The following MARCHF7 variants were observed in gnomAD, a reference collection of about 807,000 sequenced individuals.
MARCHF7 encodes membrane associated ring-CH-type finger 7.
In MARCHF7, 20 loss-of-function variants were observed where a neutral mutation model predicts 76.5. The observed-to-expected ratio is 0.26, with a 90% CI of 0.18 to 0.38. The LOEUF is 0.38. Among genes scored for constraint, MARCHF7 ranks in the 10% least tolerant of loss-of-function variants. The pLI is 1.00. For synonymous variants in MARCHF7, 295 were observed against 293.0 expected (o/e 1.01, Z -0.07); for missense variants, 797 against 812.9 (o/e 0.98, Z 0.24).
In MARCHF7 at chr2:159,757,788, T is replaced by G. The variant is rs539284443; in HGVS notation, c.1784-1438T>G. On this transcript the variant is annotated intron_variant, in intron 8 of 11. Transcript: ENST00000409175. ...TGTAGTAAATTATCTCCAAGGTCCA[T>G]ATTACATTTTCATGTATGCTAGACT... Among the ~76,000 whole-genome samples the G allele has an allele frequency of 2.6e-5, 4 of 152,358 alleles. No homozygotes were observed. The South Asian group carries it at 8.3e-4, about 32-fold the overall frequency.
At chr2:159,747,688 A>G in intron 6 of MARCHF7, 117 bp from the exon 7 acceptor site, 2 of 918,420 alleles carry the variant, frequency 2.2e-6, no homozygotes, top group East Asian at 2.6e-5. Context: ...CTCTGTAGTT[A>G]CAATATAACA....
chr2:159,723,045 T>C (rs1029802627), intron 3 of MARCHF7, among the ~76,000 whole-genome samples: 1 of 152,218 alleles, frequency 6.6e-6, no homozygotes, highest in Non-Finnish European at 1.5e-5. Context: ...GCATTTTGTT[T>C]CCCAAAAATC....
intron 10 of MARCHF7, 63 bp from the exon 11 acceptor site, chr2:159,764,563 A>AT: frequency 7.6e-7 from 1 of 1,321,846 alleles, no homozygotes; most frequent in Non-Finnish European, 1.1e-6. Flanking sequence ...TCCTATACTG[A>AT]TTCTCTCTTT....
intron 4 of MARCHF7, chr2:159,732,765 C>A: frequency 1.2e-6 from 1 of 830,226 alleles, no homozygotes; most frequent in Non-Finnish European, 1.5e-6. Flanking sequence ...CTCCTGGCCT[C>A]CAGCAGTACT....
At chr2:159,727,108 C>T (rs1702261106) in intron 3 of MARCHF7, among the ~76,000 whole-genome samples, 1 of 151,984 alleles carries the variant, frequency 6.6e-6, no homozygotes, top group Non-Finnish European at 1.5e-5. Flanking sequence ...ACTATGCATA[C>T]AATACAATAA....
intron 4 of MARCHF7, among the ~76,000 whole-genome samples, chr2:159,739,730 A>G (rs900684250): frequency 3.9e-5 from 6 of 152,246 alleles, no homozygotes; most frequent in Non-Finnish European, 1.5e-5. Context: ...GGAACCAGGA[A>G]AAGGTTTGAT....
rs529728566 is a variant in MARCHF7 at position 159,745,458 on chromosome 2, C to T, written c.347-312C>T. Among the ~76,000 whole-genome samples the T allele has an allele frequency of 1.8e-4, 27 of 152,226 alleles. No individual in the cohort carries two copies. The East Asian group carries it at 3.7e-3, about 21-fold the overall frequency. On this transcript the variant is annotated intron_variant, in intron 5 of 11. Transcript: ENST00000409175. ...TCACTAGAGGTCAGGAGTTTGAGAC[C>T]AGCCTGGCCGACAGGGTGAAACCCC...
At chr2:159,761,406 C>CTTTTCTTTTTTTTTT (rs1707065139) in intron 9 of MARCHF7, among the ~76,000 whole-genome samples, 1 of 73,780 alleles carries the variant, frequency 1.4e-5, no homozygotes, top group Non-Finnish European at 2.4e-5. Flanking sequence ...TGAATCATTT[C>CTTTTCTTTTTTTTTT]TTTTTTTTTT....
chr2:159,731,365 C>T (rs1032896010), intron 4 of MARCHF7, among the ~76,000 whole-genome samples: 18 of 152,022 alleles, frequency 1.2e-4, no homozygotes, highest in African/African-American at 4.3e-4. Flanking sequence ...TGCTAAAATC[C>T]TGAATATATT....
intron 1 of MARCHF7, among the ~76,000 whole-genome samples, chr2:159,712,967 C>T (rs1021245786): frequency 1.3e-5 from 2 of 152,102 alleles, no homozygotes; most frequent in Non-Finnish European, 2.9e-5. Context: ...GCGGGGCGGC[C>T]TCCTCTTGGG....
At chr2:159,712,986 C>G (rs996066352) in intron 1 of MARCHF7, among the ~76,000 whole-genome samples, 1 of 152,004 alleles carries the variant, frequency 6.6e-6, no homozygotes, top group Non-Finnish European at 1.5e-5. Context: ...GGCCGTGGGG[C>G]GGGGGGTCTT....
chr2:159,724,179 T>G (rs1248873941), intron 3 of MARCHF7, among the ~76,000 whole-genome samples: 1 of 152,222 alleles, frequency 6.6e-6, no homozygotes, highest in Non-Finnish European at 1.5e-5. Flanking sequence ...GGCTAAACAT[T>G]TTTCTCAGTA....
Position 159,768,939 on chromosome 2 carries a change from G to A in MARCHF7, c.*1597G>A, listed in dbSNP as rs929606143. On this transcript the variant is annotated 3_prime_UTR_variant, in exon 12 of 12. Coordinates refer to ENST00000409175, the MANE Select transcript of MARCHF7 (RefSeq NM_001282805.2). ...TATGCACATAATTCTGTATAGTTTTGTTATTAAATGCTAAATGACAGTGAT... is the reference window on the plus strand; with the variant it reads ...TATGCACATAATTCTGTATAGTTTTATTATTAAATGCTAAATGACAGTGAT... 1 of 152,084 alleles carries A rather than the reference G, an allele frequency of 6.6e-6. No homozygotes were observed. Among genetic ancestry groups the A allele is most frequent in the Non-Finnish European group, 1.5e-5 (1 of 68,000 alleles). 9.4% of individuals were successfully genotyped at this position (152,084 alleles called of 1,614,324 possible).
At chr2:159,751,987 T>G (rs570287827) in intron 7 of MARCHF7, among the ~76,000 whole-genome samples, 2 of 152,336 alleles carry the variant, frequency 1.3e-5, no homozygotes, top group African/African-American at 4.8e-5. Flanking sequence ...GCAAAAGTGA[T>G]AAGTTTATCT....
At chr2:159,756,798 A>G (rs1706383443) in intron 8 of MARCHF7, among the ~76,000 whole-genome samples, 1 of 151,688 alleles carries the variant, frequency 6.6e-6, no homozygotes, top group South Asian at 2.1e-4. Context: ...ATTGAATAAT[A>G]CCTCATAAAG....
At chr2:159,720,120 G>T (rs1257005575) in intron 3 of MARCHF7, among the ~76,000 whole-genome samples, 2 of 152,160 alleles carry the variant, frequency 1.3e-5, no homozygotes, top group Non-Finnish European at 2.9e-5. Context: ...CCGCCTCCTG[G>T]ATTCAAGCGA....
At chr2:159,733,589 C>T in intron 4 of MARCHF7, 1 of 983,518 alleles carries the variant, frequency 1.0e-6, no homozygotes, top group South Asian at 4.7e-5. Context: ...TTTTAACTCA[C>T]AACTCTTGGA....
intron 9 of MARCHF7, 43 bp downstream of exon 9, chr2:159,759,378 T>C: frequency 2.1e-6 from 2 of 962,286 alleles, no homozygotes; most frequent in South Asian, 2.9e-5. Flanking sequence ...TATTCTATGC[T>C]TCAAGGACAG....
Position 159,745,861 on chromosome 2 carries a change from G to A in MARCHF7, c.438G>A (p.Leu146=). 1 of 1,612,828 alleles carries A rather than the reference G, an allele frequency of 6.2e-7. No individual in the cohort carries two copies. The highest frequency in any genetic ancestry group is 8.5e-7 in the Non-Finnish European group (1 of 1,179,208). ...GTDLMRERRD[L]ERRTDSSISN... ...ACTTAATGAGAGAGAGGAGAGATTT[G>A]GAGAGAAGAACAGATTCCTCTATTA... The change falls in exon 6 of 12, where the codon TTG becomes TTA. Residue 146 remains leucine (L), a synonymous_variant. Transcript: ENST00000409175.
Sources: allele counts gnomAD v4.1 joint callset (sites outside exome capture counted in the v4.1 genomes callset), GRCh38; gene constraint gnomAD v4.1.1; transcripts MANE v1.5; gene names NCBI Gene and HGNC (gene_info 2026-07-23, HGNC 2026-07-21).